The following LRFN5 variants were observed in gnomAD, a reference collection of about 807,000 sequenced individuals.
LRFN5 encodes leucine rich repeat and fibronectin type III domain containing 5.
LRFN5 carries 24 observed loss-of-function variants against 45.6 expected under a neutral mutation model. That is an observed-to-expected ratio of 0.53 (90% CI 0.38 to 0.74). The LOEUF (loss-of-function observed/expected upper bound fraction) is 0.74, where lower values mean the gene tolerates loss of function less well. Among genes scored for constraint, LRFN5 ranks in the 30% least tolerant of loss-of-function variants. LRFN5 has a pLI of 0.00. For synonymous variants in LRFN5, 340 were observed against 313.8 expected, an observed-to-expected ratio of 1.08 and a Z score of -0.88; for missense variants, 776 against 861.5, an observed-to-expected ratio of 0.90 and a Z score of 1.24.
At chr14:41,850,394 A>G (rs1041467327) in intron 2 of LRFN5, among the ~76,000 whole-genome samples, 1 of 151,848 alleles carries the variant, frequency 6.6e-6, no homozygotes, top group African/African-American at 2.4e-5. Flanking sequence ...GAATTGTTTG[A>G]ATAACTTCTG....
At chr14:41,815,461 C>A (rs1039584031) in intron 2 of LRFN5, among the ~76,000 whole-genome samples, 1 of 152,108 alleles carries the variant, frequency 6.6e-6, no homozygotes, top group East Asian at 1.9e-4. Flanking sequence ...TGTCTAGATG[C>A]GGTGGCTCAC....
At chr14:41,631,576 A>G (rs1442025036) in intron 1 of LRFN5, among the ~76,000 whole-genome samples, 1 of 152,188 alleles carries the variant, frequency 6.6e-6, no homozygotes, top group Non-Finnish European at 1.5e-5. Context: ...AGAATTATGA[A>G]GGAAAATAGT....
intron 1 of LRFN5, among the ~76,000 whole-genome samples, chr14:41,757,436 C>G (rs1398368945): frequency 2.0e-5 from 3 of 152,224 alleles, no homozygotes; most frequent in Non-Finnish European, 4.4e-5. Context: ...CTTTGTTTAC[C>G]TACTCAAGCC....
intron 1 of LRFN5, among the ~76,000 whole-genome samples, chr14:41,662,639 C>T (rs1173291312): frequency 6.6e-6 from 1 of 151,924 alleles, no homozygotes; most frequent in Non-Finnish European, 1.5e-5. Flanking sequence ...GTCAGCAGGG[C>T]CACCAATCAG....
At chr14:41,613,558 G>A (rs565822040) in intron 1 of LRFN5, among the ~76,000 whole-genome samples, 21 of 151,402 alleles carry the variant, frequency 1.4e-4, no homozygotes, top group South Asian at 4.2e-4. Context: ...CAAATATTTC[G>A]AAAATGGCAT....
intron 2 of LRFN5, among the ~76,000 whole-genome samples, chr14:41,846,621 A>T (rs4143894): frequency 0.59 from 89,051 of 151,930 alleles, 26,258 homozygotes; most frequent in African/African-American, 0.64. Context: ...TGGAAATTTG[A>T]TTTGTCATGT....
intron 1 of LRFN5, among the ~76,000 whole-genome samples, chr14:41,654,215 A>G (rs916038562): frequency 6.6e-6 from 1 of 152,058 alleles, no homozygotes; most frequent in Non-Finnish European, 1.5e-5. Flanking sequence ...AAAAAAAAGA[A>G]AAGTAGAACC....
chr14:41,624,088 C>G (rs996378005), intron 1 of LRFN5, among the ~76,000 whole-genome samples: 4 of 152,048 alleles, frequency 2.6e-5, no homozygotes, highest in Admixed American at 6.6e-5. Context: ...TAAGATGTTT[C>G]AGAGTCAAAT....
At chr14:41,668,116 A>G (rs1880993334) in intron 1 of LRFN5, among the ~76,000 whole-genome samples, 1 of 152,182 alleles carries the variant, frequency 6.6e-6, no homozygotes, top group East Asian at 1.9e-4. Flanking sequence ...TGTTAATATA[A>G]GGGAGGTGCT....
chr14:41,745,419 A>G (rs929164299), intron 1 of LRFN5, among the ~76,000 whole-genome samples: 2 of 152,206 alleles, frequency 1.3e-5, no homozygotes, highest in Admixed American at 1.3e-4. Context: ...ACATGCTTAC[A>G]TTTAAAACTA....
chr14:41,610,591 TA>T (rs1206833215), intron 1 of LRFN5, among the ~76,000 whole-genome samples: 2 of 131,644 alleles, frequency 1.5e-5, no homozygotes, highest in African/African-American at 3.0e-5. Flanking sequence ...GCTCCAGGGA[TA>T]ACCAAGGAAT....
intron 1 of LRFN5, among the ~76,000 whole-genome samples, chr14:41,693,859 G>A (rs1431493389): frequency 1.1e-4 from 17 of 152,076 alleles, no homozygotes; most frequent in Admixed American, 7.9e-4. Context: ...GGGAGAAAGC[G>A]TTCAGTGTCC....
At chr14:41,661,193 C>A (rs969110130) in intron 1 of LRFN5, among the ~76,000 whole-genome samples, 1 of 151,700 alleles carries the variant, frequency 6.6e-6, no homozygotes, top group African/African-American at 2.4e-5. Context: ...AAACTAAAAT[C>A]TCATCTTATT....
At chr14:41,670,643 C>T (rs1566612730) in intron 1 of LRFN5, among the ~76,000 whole-genome samples, 1 of 151,698 alleles carries the variant, frequency 6.6e-6, no homozygotes, top group Non-Finnish European at 1.5e-5. Flanking sequence ...TGAAATTCAT[C>T]TTTGGTTGTA....
intron 2 of LRFN5, among the ~76,000 whole-genome samples, chr14:41,858,468 C>A: frequency 6.6e-6 from 1 of 152,062 alleles, no homozygotes; most frequent in East Asian, 1.9e-4. Flanking sequence ...AATGTCTCAG[C>A]TCTTGGCCTC....
intron 4 of LRFN5, chr14:41,893,131 A>T (rs1431079314): frequency 4.1e-6 from 4 of 984,348 alleles, no homozygotes; most frequent in Non-Finnish European, 4.8e-6. Flanking sequence ...AAGTAAATGC[A>T]TTTGCTATTT....
intron 2 of LRFN5, among the ~76,000 whole-genome samples, chr14:41,804,545 C>A (rs995685173): frequency 6.6e-6 from 1 of 152,112 alleles, no homozygotes; most frequent in African/African-American, 2.4e-5. Context: ...CTCCTCTCAT[C>A]CTCCTAACCT....
At chr14:41,793,938 G>A (rs754527674) in intron 2 of LRFN5, among the ~76,000 whole-genome samples, 63 of 152,040 alleles carry the variant, frequency 4.1e-4, no homozygotes, top group Non-Finnish European at 3.7e-4. Flanking sequence ...CTCTCCTGTC[G>A]TTATATTCCT....
chr14:41,818,786 C>G (rs998537614), intron 2 of LRFN5, among the ~76,000 whole-genome samples: 3 of 152,122 alleles, frequency 2.0e-5, no homozygotes, highest in Non-Finnish European at 4.4e-5. Flanking sequence ...AGTTTTGTTA[C>G]ATGGATATAT....
Sources: gnomAD v4.1 joint callset for allele counts (sites outside exome capture counted in the v4.1 genomes callset) on GRCh38, gnomAD v4.1.1 for gene constraint, MANE v1.5 for transcripts, NCBI Gene and HGNC (gene_info 2026-07-23, HGNC 2026-07-21) for gene names.